The following INPP4B variants were observed in gnomAD, a reference collection of about 807,000 sequenced individuals.
INPP4B encodes inositol polyphosphate-4-phosphatase type II B.
INPP4B carries 55 observed loss-of-function variants against 122.5 expected under a neutral mutation model. That is an observed-to-expected ratio of 0.45 (90% CI 0.36 to 0.56). INPP4B has a LOEUF of 0.56. INPP4B is among the 20% of genes least tolerant of loss of function. The probability of loss-of-function intolerance (pLI) is 0.00; values close to 1 mark genes in which losing one functional copy is unlikely to be tolerated. For missense variants in INPP4B, 1,000 were observed against 1,097.7 expected (o/e 0.91, Z 1.26); for synonymous variants, 403 against 388.7 (o/e 1.04, Z -0.43).
intron 1 of INPP4B, among the ~76,000 whole-genome samples, chr4:142,793,290 A>G (rs752073916): frequency 3.6e-4 from 55 of 152,218 alleles, no homozygotes; most frequent in Non-Finnish European, 6.8e-4. Context: ...CTAAATTACT[A>G]GGAAACAAGA....
chr4:142,257,019 G>T (rs1579481967), intron 11 of INPP4B, among the ~76,000 whole-genome samples: 1 of 152,164 alleles, frequency 6.6e-6, no homozygotes, highest in African/African-American at 2.4e-5. Context: ...GATCAAGTGG[G>T]TTTCATCCCT....
chr4:142,260,451 A>G, intron 11 of INPP4B, 41 bp downstream of exon 11: 1 of 1,218,768 alleles, frequency 8.2e-7, no homozygotes, highest in Non-Finnish European at 1.2e-6. Flanking sequence ...ATTAAAATTC[A>G]TTTTTGCATG....
chr4:142,439,609 T>A (rs1367037220), intron 3 of INPP4B, among the ~76,000 whole-genome samples: 1 of 152,200 alleles, frequency 6.6e-6, no homozygotes, highest in Non-Finnish European at 1.5e-5. Context: ...AACAAAAGAA[T>A]GCACAAAGTC....
chr4:142,150,741 C>G (rs1813445748), intron 17 of INPP4B, among the ~76,000 whole-genome samples: 1 of 152,146 alleles, frequency 6.6e-6, no homozygotes, highest in Non-Finnish European at 1.5e-5. Context: ...GACATTACAC[C>G]TGGCAGATGA....
At chr4:142,395,200 A>G (rs1240343609) in intron 7 of INPP4B, among the ~76,000 whole-genome samples, 2 of 152,236 alleles carry the variant, frequency 1.3e-5, no homozygotes, top group Non-Finnish European at 2.9e-5. Flanking sequence ...CAATGTGAAG[A>G]GCATCAGCAG....
chr4:142,773,917 T>G (rs901567201), intron 1 of INPP4B, among the ~76,000 whole-genome samples: 1 of 151,258 alleles, frequency 6.6e-6, no homozygotes, highest in Non-Finnish European at 1.5e-5. Flanking sequence ...AAGTTATTCC[T>G]ATTCACTGGA....
intron 2 of INPP4B, among the ~76,000 whole-genome samples, chr4:142,620,456 G>T (rs1470449476): frequency 6.6e-6 from 1 of 151,876 alleles, no homozygotes; most frequent in East Asian, 1.9e-4. Flanking sequence ...TATACTTTGA[G>T]TACACACACA....
intron 1 of INPP4B, among the ~76,000 whole-genome samples, chr4:142,736,712 G>C (rs564097636): frequency 6.6e-6 from 1 of 152,100 alleles, no homozygotes; most frequent in Non-Finnish European, 1.5e-5. Flanking sequence ...AGACGATGCG[G>C]TTTTCTAGAT....
intron 21 of INPP4B, among the ~76,000 whole-genome samples, chr4:142,114,118 T>C (rs1326666660): frequency 6.6e-6 from 1 of 152,100 alleles, no homozygotes; most frequent in African/African-American, 2.4e-5. Flanking sequence ...TTTGAAGTCA[T>C]CCATGTTGTG....
At chr4:142,656,311 C>A (rs908607082) in intron 2 of INPP4B, among the ~76,000 whole-genome samples, 44 of 152,302 alleles carry the variant, frequency 2.9e-4, no homozygotes, top group African/African-American at 9.1e-4. Context: ...AGAATCCCGT[C>A]TGTAGCAGAA....
At chr4:142,090,798 A>G (rs1779180353) in intron 23 of INPP4B, among the ~76,000 whole-genome samples, 1 of 152,156 alleles carries the variant, frequency 6.6e-6, no homozygotes, top group South Asian at 2.1e-4. Context: ...TAAATAGCAA[A>G]AAAGCTTTAA....
chr4:142,208,409 G>T lies in INPP4B; in HGVS notation c.1072+16C>A, dbSNP rs1561485851. The stretch of plus-strand genomic sequence containing the variant: ...GTAACATAATTTGCTATTTTTAAAA[G>T]AATAATTTATGATACCTTTCAAGTG... On this transcript the variant is annotated intron_variant, in intron 14 of 25. Coordinates refer to ENST00000262992, the MANE Select transcript of INPP4B (RefSeq NM_001101669.3). 22 of 1,397,344 alleles carry T rather than the reference G, an allele frequency of 1.6e-5. No individual in the cohort carries two copies. Among genetic ancestry groups the T allele is most frequent in the Admixed American group, 3.8e-5 (2 of 52,646 alleles). 86.6% of individuals were successfully genotyped at this position (1,397,344 alleles called of 1,614,324 possible). A position where few individuals can be genotyped will look rare whatever the true frequency, so the allele number is the denominator to read the frequency against.
rs376185590 is a variant in INPP4B, at chr4:142,057,949, GATTCAACCAGATGGC to G, written c.2642+24067_2642+24081del. Among the ~76,000 whole-genome samples, 174 of 152,192 alleles carry G rather than the reference GATTCAACCAGATGGC, an allele frequency of 1.1e-3. 1 individual carries two copies. Among genetic ancestry groups the G allele is most frequent in the African/African-American group, 4.0e-3 (166 of 41,532 alleles). ...CTGTGAGCATGTATTGCACTTTCTG[GATTCAACCAGATGGC>G]ATTCACAGCATGTAGCCTTGCATTT... On this transcript the variant is annotated intron_variant, in intron 25 of 25. Transcript: ENST00000262992.
intron 1 of INPP4B, among the ~76,000 whole-genome samples, chr4:142,745,678 CA>C (rs1051121914): frequency 1.6e-4 from 24 of 151,144 alleles, no homozygotes; most frequent in Non-Finnish European, 3.0e-4. Context: ...AGAGTGCCTA[CA>C]AAAAAGTCGA....
intron 3 of INPP4B, among the ~76,000 whole-genome samples, chr4:142,455,208 G>A (rs1248680041): frequency 6.6e-6 from 1 of 151,884 alleles, no homozygotes; most frequent in African/African-American, 2.4e-5. Flanking sequence ...ATACGATTAA[G>A]TTATTATCGA....
At chr4:142,348,859 G>A (rs1781109092) in intron 7 of INPP4B, among the ~76,000 whole-genome samples, 1 of 151,952 alleles carries the variant, frequency 6.6e-6, no homozygotes, top group Non-Finnish European at 1.5e-5. Flanking sequence ...TCTGCTGGAG[G>A]GAAAAGTGAT....
At chr4:142,075,612 C>A (rs1443555181) in intron 25 of INPP4B, among the ~76,000 whole-genome samples, 2 of 151,944 alleles carry the variant, frequency 1.3e-5, no homozygotes, top group Non-Finnish European at 2.9e-5. Context: ...TCCAAAGATG[C>A]ACTTTTAGAG....
chr4:142,791,166 C>T (rs369331089), intron 1 of INPP4B, among the ~76,000 whole-genome samples: 1 of 152,062 alleles, frequency 6.6e-6, no homozygotes, highest in Non-Finnish European at 1.5e-5. Flanking sequence ...AATGATCTGA[C>T]TAAAATCAGA....
At chr4:142,119,649 G>A (rs1409362868) in intron 21 of INPP4B, among the ~76,000 whole-genome samples, 4 of 151,494 alleles carry the variant, frequency 2.6e-5, no homozygotes, top group African/African-American at 9.7e-5. Flanking sequence ...TCTGTCGTGG[G>A]GTGGGGGGAA....
Sources: allele counts gnomAD v4.1 joint callset (sites outside exome capture counted in the v4.1 genomes callset), GRCh38; gene constraint gnomAD v4.1.1; transcripts MANE v1.5; gene names NCBI Gene and HGNC (gene_info 2026-07-23, HGNC 2026-07-21).